CNTN4: variants seen among roughly 807,000 people sequenced by gnomAD.
The protein encoded by CNTN4 is contactin-4.
Under a neutral mutation model 122.5 loss-of-function variants are expected in CNTN4, and 77 were observed. That is an observed-to-expected ratio of 0.63 (90% confidence interval 0.52 to 0.76). The LOEUF (loss-of-function observed/expected upper bound fraction) is 0.76. Among genes scored for constraint, CNTN4 ranks in the 30% least tolerant of loss-of-function variants. The probability of loss-of-function intolerance (pLI) is 0.00; values close to 1 mark genes in which losing one functional copy is unlikely to be tolerated. For synonymous variants in CNTN4, 512 were observed against 447.0 expected (o/e 1.15, Z -1.83); for missense variants, 1,256 against 1,259.1 (o/e 1.00, Z 0.04).
intron 3 of CNTN4, among the ~76,000 whole-genome samples, chr3:2,403,011 A>T (rs1483929236): frequency 6.6e-6 from 1 of 152,074 alleles, no homozygotes; most frequent in East Asian, 1.9e-4. Flanking sequence ...TCAGAGATCA[A>T]GGTGTCGGCA....
intron 13 of CNTN4, 125 bp downstream of exon 13, chr3:2,925,904 ACAGAAG>A: frequency 1.2e-6 from 1 of 826,944 alleles, no homozygotes; most frequent in South Asian, 1.6e-5. Context: ...TAAAAAAAGA[ACAGAAG>A]CTTTGGAAGG....
At chr3:2,537,323 G>A (rs2077850225) in intron 3 of CNTN4, among the ~76,000 whole-genome samples, 1 of 152,008 alleles carries the variant, frequency 6.6e-6, no homozygotes, top group Admixed American at 6.6e-5. Flanking sequence ...CTGAGACAGT[G>A]TCTCCAAAGT....
intron 2 of CNTN4, among the ~76,000 whole-genome samples, chr3:2,311,957 T>C (rs2042930281): frequency 6.6e-6 from 1 of 152,110 alleles, no homozygotes; most frequent in Admixed American, 6.6e-5. Context: ...GTATCTGACA[T>C]ATTGTAAGCA....
At chr3:2,188,287 A>G (rs547163557) in intron 2 of CNTN4, among the ~76,000 whole-genome samples, 135 of 152,272 alleles carry the variant, frequency 8.9e-4, no homozygotes, top group African/African-American at 3.2e-3. Context: ...TTTAGGCTGC[A>G]TCAGCAAGAG....
rs149304312 is a variant in CNTN4, at chr3:2,273,396, A to G, written c.-144-65782A>G. On this transcript the variant is annotated intron_variant, in intron 2 of 24. Coordinates refer to ENST00000418658, the MANE Select transcript of CNTN4 (RefSeq NM_175607.3). The stretch of plus-strand genomic sequence containing the variant: ...AAGGCCCAACTCAGCTTGTTTTGCA[A>G]TGTGGGCAACAAACATCTCAATAGG... 3.9e-5 allele frequency among the ~76,000 whole-genome samples: 6 copies of G among 152,290 alleles called. No individual in the cohort carries two copies. The East Asian group carries it at 7.7e-4, about 20-fold the overall frequency.
rs1210941132 is a variant in CNTN4 at position 2,525,942 on chromosome 3, G to C, written c.-88-45474G>C. Among the ~76,000 whole-genome samples the C allele has an allele frequency of 3.3e-5, 5 of 152,146 alleles. No homozygotes were observed. In the East Asian group the frequency reaches 7.7e-4, roughly 24 times the overall value. Reference sequence around the variant, plus strand: ...TACACATTATACCTCCACCCCCATTGCTACTACAAATAAAGGTCTTAACAA... The same window carrying C: ...TACACATTATACCTCCACCCCCATTCCTACTACAAATAAAGGTCTTAACAA... On this transcript the variant is annotated intron_variant, in intron 3 of 24. Transcript: ENST00000418658.
intron 3 of CNTN4, among the ~76,000 whole-genome samples, chr3:2,438,191 A>G (rs940926262): frequency 1.1e-4 from 16 of 152,276 alleles, no homozygotes; most frequent in East Asian, 5.8e-4. Context: ...AGCGTTCAGC[A>G]TTGTAGAATT....
At chr3:2,702,869 C>G (rs558532740) in intron 4 of CNTN4, among the ~76,000 whole-genome samples, 2 of 152,280 alleles carry the variant, frequency 1.3e-5, no homozygotes, top group African/African-American at 4.8e-5. Flanking sequence ...TAGTTTGTTC[C>G]GTATACAGCA....
intron 2 of CNTN4, among the ~76,000 whole-genome samples, chr3:2,147,206 G>A (rs980186861): frequency 7.9e-5 from 12 of 151,922 alleles, no homozygotes; most frequent in East Asian, 3.9e-4. Context: ...AGAAAATGTC[G>A]AACTGTTTAA....
At chr3:2,808,963 C>T (rs2092539319) in intron 6 of CNTN4, among the ~76,000 whole-genome samples, 1 of 152,218 alleles carries the variant, frequency 6.6e-6, no homozygotes, top group South Asian at 2.1e-4. Flanking sequence ...CCACCACAGC[C>T]TGTGAAACAG....
chr3:2,973,859 C>A (rs1332682508), intron 13 of CNTN4, among the ~76,000 whole-genome samples: 1 of 151,028 alleles, frequency 6.6e-6, no homozygotes, highest in Non-Finnish European at 1.5e-5. Context: ...ATTTGCCCAA[C>A]ACAGTTTATA....
At chr3:2,725,620 A>G (rs1467689631) in intron 4 of CNTN4, among the ~76,000 whole-genome samples, 2 of 152,144 alleles carry the variant, frequency 1.3e-5, no homozygotes, top group Admixed American at 1.3e-4. Flanking sequence ...AACACACATG[A>G]TGGAGTTTTC....
chr3:2,976,432 C>T (rs1324956270), intron 13 of CNTN4, among the ~76,000 whole-genome samples: 1 of 152,000 alleles, frequency 6.6e-6, no homozygotes, highest in Non-Finnish European at 1.5e-5. Context: ...TTTATTAAAC[C>T]CAAATCTTAC....
intron 3 of CNTN4, among the ~76,000 whole-genome samples, chr3:2,486,672 T>C (rs764462218): frequency 6.6e-6 from 1 of 152,216 alleles, no homozygotes; most frequent in African/African-American, 2.4e-5. Context: ...TTTGTCAGAA[T>C]ACCAGCTTGG....
At chr3:2,800,937 C>G (rs2092332774) in intron 6 of CNTN4, among the ~76,000 whole-genome samples, 2 of 152,262 alleles carry the variant, frequency 1.3e-5, no homozygotes, top group South Asian at 4.1e-4. Context: ...CTGAAACTTA[C>G]CCAGAGTCCA....
rs531111329 is a variant in CNTN4, at chr3:3,028,507, T to G, written c.1662+2230T>G. On this transcript the variant is annotated intron_variant, in intron 15 of 24. Coordinates refer to ENST00000418658, the MANE Select transcript of CNTN4 (RefSeq NM_175607.3). ...TGAATCGCAAAATCAAAATTTTCTA[T>G]TAATAGGTTGCTGTGCTCTGAAATA... Among the ~76,000 whole-genome samples the G allele has an allele frequency of 8.5e-5, 13 of 152,294 alleles. No individual in the cohort carries two copies. In the East Asian group the frequency reaches 1.9e-3, roughly 23 times the overall value.
At chr3:2,758,076 A>G (rs572869737) in intron 6 of CNTN4, among the ~76,000 whole-genome samples, 54 of 152,238 alleles carry the variant, frequency 3.5e-4, no homozygotes, top group African/African-American at 1.2e-3. Flanking sequence ...TGTTAGCTCT[A>G]CCTCATAAAA....
chr3:3,026,124 C>T lies in CNTN4; in HGVS notation c.1509C>T (p.Pro503=). ...VVKDPTRVMV[P]PSSMDVTVGE... is the part of the protein sequence containing the mutation. ...CAGATCCAACAAGGGTAATGGTACC[C>T]CCTTCCAGTATGGATGTCACTGTTG... is the stretch of plus-strand genomic sequence containing the variant. The change falls in exon 15 of 25, where the codon CCC becomes CCT. Residue 503 remains proline, a synonymous_variant. Coordinates refer to ENST00000418658, the MANE Select transcript of CNTN4 (RefSeq NM_175607.3). The T allele has an allele frequency of 3.1e-6, 5 of 1,613,236 alleles. No homozygotes were observed. The highest frequency in any genetic ancestry group is 4.2e-6 in the Non-Finnish European group (5 of 1,179,452).
intron 13 of CNTN4, among the ~76,000 whole-genome samples, chr3:2,972,149 G>A (rs1692985704): frequency 6.6e-6 from 1 of 152,094 alleles, no homozygotes; most frequent in Non-Finnish European, 1.5e-5. Flanking sequence ...CCTCTGCTAT[G>A]TGACCACTAC....
Sources: allele counts gnomAD v4.1 joint callset (sites outside exome capture counted in the v4.1 genomes callset), GRCh38; gene constraint gnomAD v4.1.1; transcripts MANE v1.5; gene names NCBI Gene and HGNC (gene_info 2026-07-23, HGNC 2026-07-21).